The following CYLC2 variants were observed in gnomAD, a reference collection of about 807,000 sequenced individuals.
CYLC2 encodes the protein cylicin 2.
CYLC2 carries 30 observed loss-of-function variants against 26.1 expected under a neutral mutation model. That is an observed-to-expected ratio of 1.15 (90% CI 0.86 to 1.56). The LOEUF (loss-of-function observed/expected upper bound fraction) is 1.56, where lower values mean the gene tolerates loss of function less well. Among genes scored for constraint, CYLC2 ranks in the 40% most tolerant of loss-of-function variants. CYLC2 has a pLI of 0.00. For missense variants in CYLC2, 498 were observed against 394.4 expected (o/e 1.26, Z -2.23); for synonymous variants, 158 against 132.8 (o/e 1.19, Z -1.31).
chr9:103,012,803 T>C (rs1829421643), intron 6 of CYLC2, among the ~76,000 whole-genome samples: 1 of 151,628 alleles, frequency 6.6e-6, no homozygotes, highest in African/African-American at 2.4e-5. Flanking sequence ...TTCTCAGTTA[T>C]TGGATGCAAA....
At chr9:103,003,331 TA>T in intron 3 of CYLC2, 68 bp downstream of exon 3, 1 of 1,294,196 alleles carries the variant, frequency 7.7e-7, no homozygotes, top group Non-Finnish European at 1.1e-6. Flanking sequence ...ATAACCATAA[TA>T]AGTAATTATA....
chr9:103,013,900 A>AT (rs1829452490), intron 6 of CYLC2, among the ~76,000 whole-genome samples: 1 of 111,174 alleles, frequency 9.0e-6, no homozygotes, highest in Non-Finnish European at 1.6e-5. Context: ...TATATTATAT[A>AT]TAATATTATA....
At position 103,005,147 on chromosome 9, in the gene CYLC2, A is replaced by G. The variant is rs1829328336; in HGVS notation, c.516A>G (p.Lys172=). 6.2e-7 allele frequency: 1 copy of G among 1,606,770 alleles called. No individual in the cohort carries two copies. ...GTAAAAAGGATGCAGAGAAGGGCAAAGACTCAGCAACAGAATCTGAAGATG... is the reference window on the plus strand; with the variant it reads ...GTAAAAAGGATGCAGAGAAGGGCAAGGACTCAGCAACAGAATCTGAAGATG... ...KKGKKDAEKG[K]DSATESEDEK... The change falls in exon 5 of 8, where the codon AAA becomes AAG. Residue 172 remains lysine (K), a synonymous_variant. Coordinates refer to ENST00000374798, the MANE Select transcript of CYLC2 (RefSeq NM_001340.5).
At chr9:103,014,137 A>C (rs1287973518) in intron 6 of CYLC2, among the ~76,000 whole-genome samples, 2 of 119,662 alleles carry the variant, frequency 1.7e-5, no homozygotes, top group African/African-American at 6.8e-5. Context: ...ATTATAATAT[A>C]TTAAATATAT....
chr9:102,997,308 G>A (rs533325314), intron 1 of CYLC2, among the ~76,000 whole-genome samples: 5 of 151,928 alleles, frequency 3.3e-5, no homozygotes, highest in Admixed American at 6.6e-5. Context: ...ATCATCACAC[G>A]CACATACACA....
At chr9:103,014,367 A>T (rs118056276) in intron 6 of CYLC2, among the ~76,000 whole-genome samples, 1 of 137,304 alleles carries the variant, frequency 7.3e-6, no homozygotes, top group African/African-American at 2.6e-5. Context: ...ATTACATAAT[A>T]TACATTATGT....
At chr9:103,008,161 AGG>A (rs5899524) in intron 5 of CYLC2, among the ~76,000 whole-genome samples, 1 of 152,142 alleles carries the variant, frequency 6.6e-6, no homozygotes, top group East Asian at 1.9e-4. Context: ...CTCTATAAAA[AGG>A]CCCTTAAAAT....
intron 6 of CYLC2, among the ~76,000 whole-genome samples, chr9:103,014,935 G>C (rs890185503): frequency 5.6e-5 from 7 of 126,054 alleles, no homozygotes; most frequent in Non-Finnish European, 1.2e-4. Flanking sequence ...ATATTATGTA[G>C]TATACATAAT....
At chr9:103,006,989 A>G (rs1056151588) in intron 5 of CYLC2, among the ~76,000 whole-genome samples, 1 of 152,118 alleles carries the variant, frequency 6.6e-6, no homozygotes. Context: ...GGATTCCACA[A>G]TGTATACATG....
At chr9:102,996,570 T>C (rs1015872108) in intron 1 of CYLC2, among the ~76,000 whole-genome samples, 1 of 151,946 alleles carries the variant, frequency 6.6e-6, no homozygotes, top group African/African-American at 2.4e-5. Flanking sequence ...AAATTCTTAA[T>C]AACAAATTAG....
At position 103,003,263 on chromosome 9, in the gene CYLC2, T is replaced by C; in HGVS notation, c.180T>C (p.Ser60=). ...KPSQIRDNTV[S]IIDEEQLRGD... ...CTCAAATACGGGACAACACGGTTTC[T>C]GTAAGCATTGGAAAGATTTTATAAT... The change falls in exon 3 of 8, where the codon TCT becomes TCC. Residue 60 remains serine, a splice_region_variant and synonymous_variant. Coordinates refer to ENST00000374798, the MANE Select transcript of CYLC2 (RefSeq NM_001340.5). 6.2e-7 allele frequency: 1 copy of C among 1,610,814 alleles called. No homozygotes were observed. The highest frequency in any genetic ancestry group is 8.5e-7 in the Non-Finnish European group (1 of 1,178,480).
chr9:103,005,783 G>A lies in CYLC2; in HGVS notation c.*105G>A. 1 of 1,225,274 alleles carries A rather than the reference G, an allele frequency of 8.2e-7. No homozygotes were observed. Among genetic ancestry groups the A allele is most frequent in the Non-Finnish European group, 1.1e-6 (1 of 878,442 alleles). 75.9% of individuals were successfully genotyped at this position (1,225,274 alleles called of 1,614,324 possible). A position where few individuals can be genotyped will look rare whatever the true frequency, so the allele number is the denominator to read the frequency against. ...TTGTGAGAAAACAAGAGGCCTCAAA[G>A]AATTAAATAATTTTTAAAAGGTGGT... On this transcript the variant is annotated 3_prime_UTR_variant, in exon 5 of 8. Transcript: ENST00000374798.
intron 1 of CYLC2, among the ~76,000 whole-genome samples, chr9:102,997,357 A>G (rs1283318765): frequency 6.6e-6 from 1 of 151,970 alleles, no homozygotes; most frequent in Non-Finnish European, 1.5e-5. Context: ...CAGACATTGC[A>G]AAATATTCTC....
intron 1 of CYLC2, among the ~76,000 whole-genome samples, chr9:102,996,508 G>A (rs1247839019): frequency 6.6e-6 from 1 of 151,858 alleles, no homozygotes; most frequent in Non-Finnish European, 1.5e-5. Context: ...GGAGGAAACT[G>A]ATAGAAATCA....
chr9:102,997,166 T>C (rs1829246632), intron 1 of CYLC2, among the ~76,000 whole-genome samples: 3 of 151,912 alleles, frequency 2.0e-5, no homozygotes, highest in Admixed American at 1.3e-4. Context: ...CACATCGTAG[T>C]CTAGAAAACT....
chr9:103,003,988 C>T (rs527250572), intron 3 of CYLC2, among the ~76,000 whole-genome samples: 2 of 151,928 alleles, frequency 1.3e-5, no homozygotes, highest in South Asian at 4.2e-4. Context: ...AAAATGTAAC[C>T]CATTAGTAGT....
intron 6 of CYLC2, among the ~76,000 whole-genome samples, chr9:103,013,232 CAT>C (rs1211711828): frequency 2.8e-5 from 2 of 72,568 alleles, no homozygotes; most frequent in Non-Finnish European, 5.1e-5. Flanking sequence ...ATATTATAAA[CAT>C]ATAACATGTA....
intron 6 of CYLC2, among the ~76,000 whole-genome samples, chr9:103,015,792 A>G (rs1829498584): frequency 6.7e-6 from 1 of 150,190 alleles, no homozygotes; most frequent in Admixed American, 6.7e-5. Context: ...ATCATCTAAA[A>G]TTCTAGTTTC....
chr9:103,007,789 AC>A (rs1191431769), intron 5 of CYLC2, among the ~76,000 whole-genome samples: 1 of 152,156 alleles, frequency 6.6e-6, no homozygotes, highest in East Asian at 1.9e-4. Context: ...CTTCTCTTGG[AC>A]ATTAAAGGAA....
Sources: gnomAD v4.1 joint callset for allele counts (sites outside exome capture counted in the v4.1 genomes callset) on GRCh38, gnomAD v4.1.1 for gene constraint, MANE v1.5 for transcripts, NCBI Gene and HGNC (gene_info 2026-07-23, HGNC 2026-07-21) for gene names.